The following C3orf20 variants were observed in gnomAD, a reference collection of about 807,000 sequenced individuals.
C3orf20 encodes family with sequence similarity 149 member C.
Under a neutral mutation model 88.3 loss-of-function variants are expected in C3orf20, and 76 were observed. The observed-to-expected ratio is 0.86, with a 90% confidence interval of 0.72 to 1.04. The LOEUF (loss-of-function observed/expected upper bound fraction) is 1.04, where lower values mean the gene tolerates loss of function less well. Among genes scored for constraint, C3orf20 ranks in the 50% least tolerant of loss-of-function variants. The pLI is 0.00. For synonymous variants in C3orf20, 436 were observed against 437.4 expected (o/e 1.00, Z 0.04); for missense variants, 1,056 against 1,123.3 (o/e 0.94, Z 0.86).
intron 12 of C3orf20, among the ~76,000 whole-genome samples, chr3:14,732,652 C>T (rs1345386115): frequency 2.6e-5 from 4 of 152,118 alleles, no homozygotes; most frequent in African/African-American, 9.7e-5. Flanking sequence ...GTGCTACTGC[C>T]ATCTCGTGAG....
chr3:14,761,212 G>T (rs2035551407), intron 14 of C3orf20, among the ~76,000 whole-genome samples: 1 of 144,358 alleles, frequency 6.9e-6, no homozygotes, highest in Non-Finnish European at 1.5e-5. Context: ...ATATGGCTGA[G>T]CCAAACCCCT....
Position 14,711,622 on chromosome 3 carries a change from G to A in C3orf20, c.1161-2385G>A, listed in dbSNP as rs866775289. 2.9e-5 allele frequency among the ~76,000 whole-genome samples: 4 copies of A among 136,146 alleles called. 1 individual carries two copies. In the Admixed American group the frequency reaches 3.0e-4, roughly 10 times the overall value. The allele number at this position is 136,146 out of a possible 152,430, so 89.3% of individuals were successfully genotyped here. On this transcript the variant is annotated intron_variant, in intron 7 of 16. Coordinates refer to ENST00000253697, the MANE Select transcript of C3orf20 (RefSeq NM_032137.5). ...GTTTTGGTTTTTAAAAATTTATCCT[G>A]CCAGCTTTTTTTTTTTTTTTTTTTT...
chr3:14,742,841 C>G (rs112132125), intron 12 of C3orf20, among the ~76,000 whole-genome samples: 25,430 of 151,908 alleles, frequency 0.17, 2,561 homozygotes, highest in Non-Finnish European at 0.23. Context: ...CCCTGATAAA[C>G]CCATCAGATC....
rs544513128 is a variant in C3orf20 at position 14,738,487 on chromosome 3, C to T, written c.1940+9799C>T. ...GGGACTACAGGCACCCGCCACCACA[C>T]CTGGCTAATTTTTTGTATTTTTTTT... On this transcript the variant is annotated intron_variant, in intron 12 of 16. Coordinates refer to ENST00000253697, the MANE Select transcript of C3orf20 (RefSeq NM_032137.5). Among the ~76,000 whole-genome samples, 4 of 152,072 alleles carry T rather than the reference C, an allele frequency of 2.6e-5. No homozygotes were observed. In the South Asian group the frequency reaches 8.3e-4, roughly 32 times the overall value.
intron 12 of C3orf20, among the ~76,000 whole-genome samples, chr3:14,738,268 A>G (rs1250345103): frequency 1.3e-5 from 2 of 150,464 alleles, no homozygotes; most frequent in African/African-American, 4.9e-5. Flanking sequence ...CCCGGGTTCA[A>G]GCAATTCTCC....
Position 14,682,982 on chromosome 3 carries a change from C to A in C3orf20, c.269C>A (p.Thr90Lys). ...GAACCCACCTTTGTGCAGGTCCCCA[C>A]ACTGAAGAAGCCACTACCTCCACCA... The part of the protein sequence containing the change: ...LMEPTFVQVP[T>K]LKKPLPPPPP... The change falls in exon 3 of 17, where the codon ACA becomes AAA. Residue 90 changes from threonine (T) to lysine (K), a missense_variant. Thr to Lys is a moderately conservative substitution (Grantham distance 78, BLOSUM62 -1). Transcript: ENST00000253697. 1 of 1,613,768 alleles carries A rather than the reference C, an allele frequency of 6.2e-7. No individual in the cohort carries two copies. The highest frequency in any genetic ancestry group is 8.5e-7 in the Non-Finnish European group (1 of 1,179,918).
Position 14,759,943 on chromosome 3 carries a change from A to C in C3orf20, c.2297A>C (p.Gln766Pro), listed in dbSNP as rs756680044. ...CAGTATGACCTGGACAGCCCCCTGC[A>C]GGAGGACCCTCCCCTGATGGTGAAG... The part of the protein sequence containing the change: ...LLQYDLDSPL[Q>P]EDPPLMVKKN... The change falls in exon 14 of 17, where the codon CAG becomes CCG. Residue 766 changes from glutamine (Q) to proline (P), a missense_variant. By Grantham distance (76) the Gln-to-Pro change is moderately conservative. Coordinates refer to ENST00000253697, the MANE Select transcript of C3orf20 (RefSeq NM_032137.5). 15 of 1,614,038 alleles carry C rather than the reference A, an allele frequency of 9.3e-6. No homozygotes were observed.
chr3:14,740,128 T>C (rs2034857346), intron 12 of C3orf20, among the ~76,000 whole-genome samples: 1 of 152,246 alleles, frequency 6.6e-6, no homozygotes, highest in Non-Finnish European at 1.5e-5. Context: ...GATTTAAACC[T>C]ATCTCAGCTT....
rs958135119 is a variant in C3orf20, at chr3:14,715,408, A to G, written c.1433A>G (p.Lys478Arg). The G allele has an allele frequency of 6.2e-7, 1 of 1,610,766 alleles. No homozygotes were observed. Among genetic ancestry groups the G allele is most frequent in the African/African-American group, 1.3e-5 (1 of 74,858 alleles). The part of the protein sequence containing the change: ...RTETLLSLEY[K>R]VNEEMKLKVL... ...GAGACCCTGCTTTCCCTGGAATACA[A>G]GGTAGGGATGGGCAGCACAGGTTGG... The change falls in exon 9 of 17, where the codon AAG (lysine) becomes AGG (arginine). Residue 478 changes from lysine to arginine, a missense_variant and splice_region_variant. Lys to Arg is a conservative substitution (Grantham distance 26, BLOSUM62 2). Transcript: ENST00000253697.
chr3:14,722,942 A>AATT (rs1406045465), intron 10 of C3orf20, among the ~76,000 whole-genome samples: 2 of 152,224 alleles, frequency 1.3e-5, no homozygotes, highest in East Asian at 3.9e-4. Flanking sequence ...AAGATGGGGT[A>AATT]ACCAAAGCTC....
intron 12 of C3orf20, among the ~76,000 whole-genome samples, chr3:14,743,529 G>A (rs1322704422): frequency 6.6e-6 from 1 of 151,956 alleles, no homozygotes; most frequent in Non-Finnish European, 1.5e-5. Context: ...GAGGACAATG[G>A]CCCTCTTCTC....
chr3:14,742,364 A>G (rs1287580456), intron 12 of C3orf20, among the ~76,000 whole-genome samples: 1 of 152,182 alleles, frequency 6.6e-6, no homozygotes, highest in Non-Finnish European at 1.5e-5. Flanking sequence ...TAAATGTATA[A>G]ATTGCAAATG....
chr3:14,723,759 C>T (rs1427175286), intron 10 of C3orf20, among the ~76,000 whole-genome samples: 2 of 152,036 alleles, frequency 1.3e-5, no homozygotes, highest in African/African-American at 4.8e-5. Context: ...TCCACACTCT[C>T]ACTCTAAAAG....
chr3:14,731,573 T>A (rs2124994439), intron 12 of C3orf20, among the ~76,000 whole-genome samples: 1 of 152,228 alleles, frequency 6.6e-6, no homozygotes, highest in Non-Finnish European at 1.5e-5. Flanking sequence ...CAGAAAAAAA[T>A]GCAGTAACGT....
intron 7 of C3orf20, 66 bp downstream of exon 7, chr3:14,704,684 A>G (rs2033426350): frequency 1.9e-6 from 3 of 1,567,354 alleles, no homozygotes; most frequent in African/African-American, 2.7e-5. Context: ...CCAGGACTTG[A>G]TACAGCCTAA....
chr3:14,717,849 A>T (rs2033996633), intron 9 of C3orf20, among the ~76,000 whole-genome samples: 1 of 151,996 alleles, frequency 6.6e-6, no homozygotes, highest in Non-Finnish European at 1.5e-5. Context: ...TGATTCTGGG[A>T]TGATTTTTAT....
At chr3:14,718,502 G>T (rs530466573) in intron 9 of C3orf20, among the ~76,000 whole-genome samples, 4 of 152,062 alleles carry the variant, frequency 2.6e-5, no homozygotes, top group African/African-American at 9.6e-5. Context: ...TAATGTCCTT[G>T]TCTGAAAATT....
At position 14,685,918 on chromosome 3, in the gene C3orf20, G is replaced by T. The variant is rs1373645730; in HGVS notation, c.625+1536G>T. On this transcript the variant is annotated intron_variant, in intron 4 of 16. Transcript: ENST00000253697. ...CGCTCTGTTGCCACGCTGGAGTGCAGTGGCACGATCTTGGCTCGCTGCAAG... is the reference window on the plus strand; with the variant it reads ...CGCTCTGTTGCCACGCTGGAGTGCATTGGCACGATCTTGGCTCGCTGCAAG... Among the ~76,000 whole-genome samples the T allele has an allele frequency of 2.2e-5, 3 of 138,488 alleles. No individual in the cohort carries two copies. In the Admixed American group the frequency reaches 2.3e-4, roughly 11 times the overall value. 90.9% of individuals were successfully genotyped at this position (138,488 alleles called of 152,430 possible). A position where few individuals can be genotyped will look rare whatever the true frequency, so the allele number is the denominator to read the frequency against.
At chr3:14,702,047 AC>A (rs1432243019) in intron 5 of C3orf20, among the ~76,000 whole-genome samples, 1 of 151,832 alleles carries the variant, frequency 6.6e-6, no homozygotes, top group African/African-American at 2.4e-5. Context: ...ATTTTCTGAA[AC>A]CCCTCCTGTA....
Sources: gnomAD v4.1 joint callset for allele counts (sites outside exome capture counted in the v4.1 genomes callset) on GRCh38, gnomAD v4.1.1 for gene constraint, MANE v1.5 for transcripts, NCBI Gene and HGNC (gene_info 2026-07-23, HGNC 2026-07-21) for gene names.